PCDH15: variants seen among roughly 807,000 people sequenced by gnomAD.
The protein encoded by PCDH15 is protocadherin related 15, also known as protocadherin-15.
A neutral mutation model predicts 178.5 loss-of-function variants in PCDH15; 129 were observed. The observed-to-expected ratio is 0.72, with a 90% CI of 0.63 to 0.84. The LOEUF is 0.84. PCDH15 is among the 40% of genes least tolerant of loss of function. PCDH15 has a pLI of 0.00. For synonymous variants in PCDH15, 800 were observed against 732.0 expected (o/e 1.09, Z -1.50); for missense variants, 2,230 against 2,099.9 (o/e 1.06, Z -1.21).
intron 18 of PCDH15, among the ~76,000 whole-genome samples, chr10:54,031,648 G>A (rs2093298688): frequency 6.6e-6 from 1 of 152,012 alleles, no homozygotes; most frequent in Non-Finnish European, 1.5e-5. Context: ...AATTAAATAA[G>A]ACAGTTTAAG....
chr10:54,128,918 T>C (rs1261844039), intron 15 of PCDH15, among the ~76,000 whole-genome samples: 1 of 152,098 alleles, frequency 6.6e-6, no homozygotes, highest in African/African-American at 2.4e-5. Flanking sequence ...CTTTGGAAAA[T>C]ACAGAACTAA....
At chr10:54,349,181 C>G (rs1284736277) in intron 5 of PCDH15, among the ~76,000 whole-genome samples, 1 of 152,062 alleles carries the variant, frequency 6.6e-6, no homozygotes, top group East Asian at 1.9e-4. Context: ...AAAGGGGGTG[C>G]CCATGCCTTT....
At chr10:54,913,177 C>T (rs1327063455) in intron 2 of PCDH15, among the ~76,000 whole-genome samples, 1 of 152,302 alleles carries the variant, frequency 6.6e-6, no homozygotes, top group East Asian at 1.9e-4. Context: ...GTAGCCAAGA[C>T]AATGGGGAAA....
chr10:55,392,967 G>A (rs1009233398), intron 2 of PCDH15, among the ~76,000 whole-genome samples: 1 of 147,166 alleles, frequency 6.8e-6, no homozygotes, highest in Admixed American at 6.9e-5. Context: ...ATCAATCTAA[G>A]AACTAAAGTG....
chr10:54,742,995 T>C (rs1235796809), intron 1 of PCDH15, among the ~76,000 whole-genome samples: 1 of 151,896 alleles, frequency 6.6e-6, no homozygotes, highest in Non-Finnish European at 1.5e-5. Context: ...ATCTAACCGT[T>C]TGAAAAAAGA....
chr10:54,704,091 T>A (rs1423840076), intron 1 of PCDH15, among the ~76,000 whole-genome samples: 1 of 152,048 alleles, frequency 6.6e-6, no homozygotes, highest in Non-Finnish European at 1.5e-5. Flanking sequence ...ATTCACCACA[T>A]ACAAAAATCA....
At chr10:54,589,054 T>A (rs1335546272) in intron 2 of PCDH15, among the ~76,000 whole-genome samples, 1 of 151,980 alleles carries the variant, frequency 6.6e-6, no homozygotes, top group Non-Finnish European at 1.5e-5. Flanking sequence ...ATATTTTTGC[T>A]TTTTTTTAAG....
intron 15 of PCDH15, among the ~76,000 whole-genome samples, chr10:54,114,959 A>G (rs11004079): frequency 0.032 from 4,813 of 152,296 alleles, 268 homozygotes; most frequent in African/African-American, 0.11. Flanking sequence ...TTTAACAAAA[A>G]TGTGAAGTCA....
chr10:54,039,650 T>C (rs2610828), intron 18 of PCDH15, among the ~76,000 whole-genome samples: 3,403 of 152,038 alleles, frequency 0.022, 132 homozygotes, highest in African/African-American at 0.078. Flanking sequence ...TTTTGAAACA[T>C]TGAAATATTC....
chr10:54,976,609 TA>T (rs1839079225), intron 2 of PCDH15, among the ~76,000 whole-genome samples: 1 of 152,006 alleles, frequency 6.6e-6, no homozygotes. Context: ...GTCTGAAAAA[TA>T]TTTCAAAAGA....
At chr10:54,889,855 C>T (rs1485528224) in intron 3 of PCDH15, among the ~76,000 whole-genome samples, 1 of 151,686 alleles carries the variant, frequency 6.6e-6, no homozygotes. Context: ...ATCTCAAACA[C>T]CATTTATAAA....
At chr10:55,103,483 C>G (rs187349516) in intron 2 of PCDH15, among the ~76,000 whole-genome samples, 46 of 152,220 alleles carry the variant, frequency 3.0e-4, no homozygotes, top group Admixed American at 2.9e-3. Flanking sequence ...TCCACAATCT[C>G]TTTCATGATT....
intron 1 of PCDH15, among the ~76,000 whole-genome samples, chr10:55,268,415 A>G (rs1592036339): frequency 2.0e-5 from 3 of 152,318 alleles, no homozygotes; most frequent in East Asian, 3.9e-4. Flanking sequence ...AATATGGATT[A>G]ATTCTCAACA....
intron 18 of PCDH15, among the ~76,000 whole-genome samples, chr10:54,030,141 C>G (rs1590011414): frequency 6.6e-6 from 1 of 151,932 alleles, no homozygotes; most frequent in African/African-American, 2.4e-5. Context: ...TGTGAACTAC[C>G]ATGTAGCACC....
At chr10:54,528,448 A>T in intron 2 of PCDH15, 1 of 1,489,736 alleles carries the variant, frequency 6.7e-7, no homozygotes, top group Non-Finnish European at 9.2e-7. Flanking sequence ...GATCAGAAAA[A>T]TGGAAGAAAG....
At chr10:54,846,383 C>T (rs1953512317) in intron 3 of PCDH15, among the ~76,000 whole-genome samples, 2 of 152,024 alleles carry the variant, frequency 1.3e-5, no homozygotes, top group South Asian at 4.1e-4. Context: ...TAAATCATTG[C>T]CGAATGAATG....
chr10:54,283,152 A>G (rs1415044368), intron 8 of PCDH15, among the ~76,000 whole-genome samples: 6 of 152,142 alleles, frequency 3.9e-5, no homozygotes, highest in Non-Finnish European at 1.5e-5. Context: ...GCAGTGTTTT[A>G]GAAGGCCACA....
intron 2 of PCDH15, among the ~76,000 whole-genome samples, chr10:55,512,640 A>G (rs117071732): frequency 6.6e-6 from 1 of 152,156 alleles, no homozygotes; most frequent in East Asian, 1.9e-4. Flanking sequence ...ACCTTTTGTA[A>G]ATACAATTGG....
chr10:55,532,656 C>T (rs1841479713), intron 2 of PCDH15, among the ~76,000 whole-genome samples: 1 of 152,024 alleles, frequency 6.6e-6, no homozygotes, highest in Admixed American at 6.6e-5. Context: ...CCTCTGAAGC[C>T]AATGGGCAGT....
Sources: allele counts gnomAD v4.1 joint callset (sites outside exome capture counted in the v4.1 genomes callset), GRCh38; gene constraint gnomAD v4.1.1; transcripts MANE v1.5; gene names NCBI Gene and HGNC (gene_info 2026-07-23, HGNC 2026-07-21).